Variants in ROR2 observed in about 807,000 individuals in gnomAD.
The protein encoded by ROR2 is ROR family WNT receptor 2, also known as tyrosine-protein kinase transmembrane receptor ROR2.
ROR2 carries 33 observed loss-of-function variants against 74.9 expected under a neutral mutation model. The observed-to-expected ratio is 0.44, with a 90% CI of 0.33 to 0.59. The LOEUF is 0.59. Ranked by LOEUF, ROR2 falls within the 20% of genes least tolerant of loss-of-function variation. ROR2 has a pLI of 0.02. For missense variants in ROR2, 1,216 were observed against 1,313.8 expected (o/e 0.93, Z 1.15); for synonymous variants, 586 against 558.7 (o/e 1.05, Z -0.69).
chr9:91,728,784 T>C (rs1262278677), intron 7 of ROR2, among the ~76,000 whole-genome samples: 1 of 152,156 alleles, frequency 6.6e-6, no homozygotes, highest in Non-Finnish European at 1.5e-5. Context: ...CCTGCTCCTG[T>C]TTTTTTGGCA....
At chr9:91,925,424 G>C (rs574288518) in intron 1 of ROR2, among the ~76,000 whole-genome samples, 40 of 152,128 alleles carry the variant, frequency 2.6e-4, no homozygotes, top group African/African-American at 9.4e-4. Flanking sequence ...GCACAAGTGA[G>C]CTCACAGGTA....
chr9:91,907,954 G>A (rs1830861458), intron 1 of ROR2, among the ~76,000 whole-genome samples: 1 of 152,186 alleles, frequency 6.6e-6, no homozygotes, highest in African/African-American at 2.4e-5. Context: ...CCAGAATAAA[G>A]GGAAAGGTGA....
intron 1 of ROR2, among the ~76,000 whole-genome samples, chr9:91,879,423 GGTGTGTGGGTGT>G (rs1303564020): frequency 6.7e-6 from 1 of 149,504 alleles, no homozygotes; most frequent in Non-Finnish European, 1.5e-5. Context: ...AGTGGGTGTG[GGTGTGTGGGTGT>G]GGGGGGGTGT....
At chr9:91,763,250 A>G (rs1259699940) in intron 2 of ROR2, among the ~76,000 whole-genome samples, 1 of 152,218 alleles carries the variant, frequency 6.6e-6, no homozygotes, top group African/African-American at 2.4e-5. Context: ...GTGACAAAGT[A>G]ATCTGTACAC....
chr9:91,884,568 A>T (rs1198456979), intron 1 of ROR2, among the ~76,000 whole-genome samples: 2 of 151,698 alleles, frequency 1.3e-5, no homozygotes, highest in African/African-American at 4.8e-5. Flanking sequence ...TTCTAAGATA[A>T]TTTTTAATAT....
intron 1 of ROR2, among the ~76,000 whole-genome samples, chr9:91,872,651 C>T (rs149052828): frequency 8.5e-5 from 13 of 152,164 alleles, no homozygotes; most frequent in Non-Finnish European, 1.3e-4. Flanking sequence ...GCAGCACTGT[C>T]GACTGCTGAA....
intron 1 of ROR2, among the ~76,000 whole-genome samples, chr9:91,908,536 G>A (rs763258911): frequency 1.3e-5 from 2 of 152,120 alleles, no homozygotes; most frequent in South Asian, 4.1e-4. Context: ...ACCCCAGGAG[G>A]TAGATAGGGA....
intron 1 of ROR2, among the ~76,000 whole-genome samples, chr9:91,933,997 C>A (rs1185664265): frequency 2.0e-5 from 3 of 151,904 alleles, no homozygotes; most frequent in East Asian, 3.9e-4. Flanking sequence ...TTATGTTATG[C>A]GAATTTTACC....
rs1434209233 is a variant in ROR2 at position 91,757,487 on chromosome 9, C to T, written c.248G>A (p.Cys83Tyr). The stretch of plus-strand genomic sequence containing the variant: ...AGGGGGTGGGTTTCCTGCCACCTTG[C>T]AGTGCAGAATTGCCGTCTGGCCTTG... ...IVQGQTAILH[C>Y]KVAGNPPPNV... is the part of the protein sequence containing the mutation. The change falls in exon 3 of 9, where the codon TGC becomes TAC. Residue 83 changes from cysteine to tyrosine, a missense_variant. Physicochemically the swap from Cys to Tyr is radical, Grantham distance 194. Coordinates refer to ENST00000375708, the MANE Select transcript of ROR2 (RefSeq NM_004560.4). The T allele has an allele frequency of 2.5e-6, 4 of 1,613,838 alleles. No homozygotes were observed. Among genetic ancestry groups the T allele is most frequent in the Non-Finnish European group, 3.4e-6 (4 of 1,179,990 alleles).
At chr9:91,895,246 T>C (rs191228091) in intron 1 of ROR2, among the ~76,000 whole-genome samples, 29 of 152,102 alleles carry the variant, frequency 1.9e-4, no homozygotes, top group African/African-American at 6.8e-4. Context: ...TTGCCAGGGA[T>C]TGGGGAGGAA....
chr9:91,780,352 A>T (rs1445257434), intron 1 of ROR2, among the ~76,000 whole-genome samples: 1 of 150,818 alleles, frequency 6.6e-6, no homozygotes, highest in Admixed American at 6.6e-5. Flanking sequence ...ACTCCAGCCT[A>T]GGCGACAGAG....
In ROR2 at chr9:91,917,333, G is replaced by A. The variant is rs78646616; in HGVS notation, c.97+32534C>T. Among the ~76,000 whole-genome samples, 685 of 152,252 alleles carry A rather than the reference G, an allele frequency of 4.5e-3. 10 individuals are homozygous for A. The highest frequency in any genetic ancestry group is 0.016 in the African/African-American group (646 of 41,536). ...AATAATCTCAAACCCAGACACGTGC[G>A]AGAAGAAGATACGTGCAGAGAAACA... On this transcript the variant is annotated intron_variant, in intron 1 of 8. Coordinates refer to ENST00000375708, the MANE Select transcript of ROR2 (RefSeq NM_004560.4).
chr9:91,743,690 C>G (rs1825319001), intron 4 of ROR2, among the ~76,000 whole-genome samples: 1 of 152,180 alleles, frequency 6.6e-6, no homozygotes, highest in African/African-American at 2.4e-5. Context: ...ACGTCCTCCT[C>G]AAAACATTAG....
intron 1 of ROR2, among the ~76,000 whole-genome samples, chr9:91,852,538 A>T (rs1181752785): frequency 6.6e-6 from 1 of 151,838 alleles, no homozygotes; most frequent in African/African-American, 2.4e-5. Context: ...GGAGGGCAGC[A>T]TTTTGTCTTC....
intron 1 of ROR2, among the ~76,000 whole-genome samples, chr9:91,882,430 G>GC (rs1262998447): frequency 7.5e-4 from 112 of 149,292 alleles, no homozygotes; most frequent in African/African-American, 2.6e-3. Context: ...AAAAAAACTA[G>GC]CCCATGACCA....
At chr9:91,794,488 A>G (rs1827106177) in intron 1 of ROR2, among the ~76,000 whole-genome samples, 1 of 151,336 alleles carries the variant, frequency 6.6e-6, no homozygotes, top group Non-Finnish European at 1.5e-5. Context: ...CAGTCACCAG[A>G]AATCCCAGAA....
At chr9:91,771,267 A>C (rs1025155297) in intron 2 of ROR2, among the ~76,000 whole-genome samples, 4 of 152,256 alleles carry the variant, frequency 2.6e-5, no homozygotes, top group African/African-American at 7.2e-5. Flanking sequence ...GGAGGCCAGC[A>C]GACGGGCGAG....
chr9:91,921,006 G>A (rs979854039), intron 1 of ROR2, among the ~76,000 whole-genome samples: 1 of 152,268 alleles, frequency 6.6e-6, no homozygotes, highest in East Asian at 1.9e-4. Context: ...CTTGTGTGCA[G>A]TATCATTGCC....
chr9:91,836,047 C>A (rs114216935), intron 1 of ROR2, among the ~76,000 whole-genome samples: 1 of 152,164 alleles, frequency 6.6e-6, no homozygotes, highest in Non-Finnish European at 1.5e-5. Flanking sequence ...TGCATTCCCC[C>A]GCTAAACAAC....
Sources: allele counts gnomAD v4.1 joint callset (sites outside exome capture counted in the v4.1 genomes callset), GRCh38; gene constraint gnomAD v4.1.1; transcripts MANE v1.5; gene names NCBI Gene and HGNC (gene_info 2026-07-23, HGNC 2026-07-21).